Variants in EYS observed in about 807,000 individuals in gnomAD.
EYS encodes protein eyes shut homolog.
In EYS, 250 loss-of-function variants were observed where a neutral mutation model predicts 282.1. The ratio of observed to expected loss-of-function variants is 0.89; its 90% CI spans 0.80 to 0.98. The LOEUF is 0.98. Ranked by LOEUF, EYS falls within the 50% of genes least tolerant of loss-of-function variation. EYS has a pLI of 0.00. For synonymous variants in EYS, 1,355 were observed against 1,282.9 expected, an observed-to-expected ratio of 1.06 and a Z score of -1.20; for missense variants, 4,016 against 3,709.0, an observed-to-expected ratio of 1.08 and a Z score of -2.15.
At position 63,846,953 on chromosome 6, in the gene EYS, A is replaced by G. The variant is rs555534323; in HGVS notation, c.7228+17233T>C. On this transcript the variant is annotated intron_variant, in intron 36 of 42. Coordinates refer to ENST00000503581, the MANE Select transcript of EYS (RefSeq NM_001142800.2). ...TAAAATTTATTTTTTTTAATTCTAGAAATAAATGTGAAGCCTGGTTTTTAG... is the reference window on the plus strand; with the variant it reads ...TAAAATTTATTTTTTTTAATTCTAGGAATAAATGTGAAGCCTGGTTTTTAG... Among the ~76,000 whole-genome samples the G allele has an allele frequency of 2.0e-5, 3 of 152,178 alleles. No individual in the cohort carries two copies. The East Asian group carries it at 5.8e-4, about 29-fold the overall frequency.
At chr6:64,735,487 T>C (rs1350252717) in intron 22 of EYS, among the ~76,000 whole-genome samples, 10 of 152,188 alleles carry the variant, frequency 6.6e-5, no homozygotes, top group Non-Finnish European at 7.4e-5. Flanking sequence ...TCCTTTCAGA[T>C]AATAATATAT....
At chr6:64,290,389 G>A (rs1162911262) in intron 30 of EYS, among the ~76,000 whole-genome samples, 3 of 152,168 alleles carry the variant, frequency 2.0e-5, no homozygotes, top group Middle Eastern at 3.4e-3. Context: ...GGAAGCTGGA[G>A]GAATATGATG....
chr6:64,826,638 A>G (rs976224658), intron 19 of EYS, among the ~76,000 whole-genome samples: 5 of 149,498 alleles, frequency 3.3e-5, no homozygotes, highest in Admixed American at 6.7e-5. Context: ...CAATATTATA[A>G]TAGAAATTAT....
At position 65,268,507 on chromosome 6, in the gene EYS, A is replaced by G. The variant is rs140888451; in HGVS notation, c.2023+27356T>C. 8.9e-3 allele frequency among the ~76,000 whole-genome samples: 1,348 copies of G among 152,214 alleles called. 9 individuals are homozygous for G. Among genetic ancestry groups the G allele is most frequent in the Middle Eastern group, 0.041 (12 of 294 alleles). On this transcript the variant is annotated intron_variant, in intron 12 of 42. Transcript: ENST00000503581. Reference sequence around the variant, plus strand: ...TTGAGAAAACATACAATCAAACATTAATGCAAATAAAGTCATTGATAAAAA... The same window carrying G: ...TTGAGAAAACATACAATCAAACATTGATGCAAATAAAGTCATTGATAAAAA...
intron 15 of EYS, among the ~76,000 whole-genome samples, chr6:64,942,834 A>AAC (rs1554220156): frequency 6.8e-6 from 1 of 146,934 alleles, no homozygotes; most frequent in African/African-American, 2.4e-5. Flanking sequence ...TTCCAAAAAA[A>AAC]AAAAAAAAAC....
intron 13 of EYS, among the ~76,000 whole-genome samples, chr6:64,998,622 T>C (rs1237387330): frequency 6.6e-6 from 1 of 152,180 alleles, no homozygotes; most frequent in Non-Finnish European, 1.5e-5. Context: ...AGGCAGCTCC[T>C]TAGACAGGAT....
intron 2 of EYS, among the ~76,000 whole-genome samples, chr6:65,566,626 G>A (rs1769289928): frequency 6.6e-6 from 1 of 152,118 alleles, no homozygotes; most frequent in South Asian, 2.1e-4. Context: ...AGTAACAAAA[G>A]TTAAAAAACA....
At chr6:64,184,219 G>A (rs1429682026) in intron 31 of EYS, among the ~76,000 whole-genome samples, 3 of 152,268 alleles carry the variant, frequency 2.0e-5, no homozygotes, top group East Asian at 1.9e-4. Flanking sequence ...ATGTGGGCAA[G>A]TGTCTCGTCT....
chr6:65,317,939 C>T (rs1342136542), intron 11 of EYS, among the ~76,000 whole-genome samples: 4 of 149,522 alleles, frequency 2.7e-5, no homozygotes, highest in African/African-American at 1.0e-4. Context: ...GCGATCTCGG[C>T]TCACCGCAAC....
chr6:64,487,848 T>C (rs1332242145), intron 26 of EYS, among the ~76,000 whole-genome samples: 2 of 151,052 alleles, frequency 1.3e-5, no homozygotes, highest in Admixed American at 6.6e-5. Context: ...TCAAAACCAA[T>C]AGAAATATAA....
In EYS at chr6:65,028,064, T is replaced by C. The variant is rs564220661; in HGVS notation, c.2137+29550A>G. Among the ~76,000 whole-genome samples the C allele has an allele frequency of 2.8e-4, 43 of 152,250 alleles. No homozygotes were observed. The East Asian group carries it at 7.3e-3, about 26-fold the overall frequency. ...TTTGAGTTCTTCTGCATCACAAGCA[T>C]TTACTATTGTCATTTGTTTTGTGTT... On this transcript the variant is annotated intron_variant, in intron 13 of 42. Coordinates refer to ENST00000503581, the MANE Select transcript of EYS (RefSeq NM_001142800.2).
intron 29 of EYS, among the ~76,000 whole-genome samples, chr6:64,319,972 TTATAA>T (rs1561927846): frequency 6.6e-6 from 1 of 152,010 alleles, no homozygotes; most frequent in Non-Finnish European, 1.5e-5. Context: ...TTAACACATC[TTATAA>T]TATAGTTCTA....
At chr6:64,422,751 A>C (rs1774275904) in intron 28 of EYS, among the ~76,000 whole-genome samples, 1 of 152,198 alleles carries the variant, frequency 6.6e-6, no homozygotes, top group Non-Finnish European at 1.5e-5. Context: ...TATTATGAGC[A>C]TAATGTCTAT....
chr6:64,137,294 T>C (rs1356927297), intron 31 of EYS, among the ~76,000 whole-genome samples: 1 of 152,182 alleles, frequency 6.6e-6, no homozygotes, highest in Non-Finnish European at 1.5e-5. Context: ...TGGACCAAAC[T>C]TTCTCCATAT....
At chr6:63,803,416 C>G (rs906118375) in intron 37 of EYS, among the ~76,000 whole-genome samples, 7 of 152,064 alleles carry the variant, frequency 4.6e-5, no homozygotes, top group African/African-American at 1.7e-4. Context: ...GTGGGTGATA[C>G]AGTGATAAAT....
At chr6:63,798,977 GTA>G (rs1770710237) in intron 37 of EYS, among the ~76,000 whole-genome samples, 1 of 75,728 alleles carries the variant, frequency 1.3e-5, no homozygotes, top group Non-Finnish European at 2.6e-5. Context: ...ATATATATAT[GTA>G]TATGTGTGTA....
chr6:63,764,712 C>A (rs1300529244), intron 40 of EYS, among the ~76,000 whole-genome samples: 1 of 151,826 alleles, frequency 6.6e-6, no homozygotes, highest in East Asian at 1.9e-4. Context: ...GTAGATAAAT[C>A]ACATTAAGCA....
intron 12 of EYS, among the ~76,000 whole-genome samples, chr6:65,118,766 C>G (rs981367826): frequency 6.6e-6 from 1 of 151,770 alleles, no homozygotes; most frequent in African/African-American, 2.4e-5. Context: ...ATGGGACTAC[C>G]ATGCCTGCTT....
intron 22 of EYS, among the ~76,000 whole-genome samples, chr6:64,798,607 G>GAT (rs1774434451): frequency 9.4e-6 from 1 of 106,810 alleles, no homozygotes; most frequent in South Asian, 3.2e-4. Context: ...TTTGTTTCTG[G>GAT]TTTTTTTTTT....
Sources: allele counts gnomAD v4.1 joint callset (sites outside exome capture counted in the v4.1 genomes callset), GRCh38; gene constraint gnomAD v4.1.1; transcripts MANE v1.5; gene names NCBI Gene and HGNC (gene_info 2026-07-23, HGNC 2026-07-21).